Variants in CDH13 observed in about 807,000 individuals in gnomAD.
CDH13 encodes the protein cadherin 13, also known as cadherin-13.
In CDH13, 24 loss-of-function variants were observed where a neutral mutation model predicts 63.8. That is an observed-to-expected ratio of 0.38 (90% confidence interval 0.27 to 0.53). The LOEUF is 0.53. CDH13 is among the 20% of genes least tolerant of loss of function. The pLI is 0.85. For missense variants in CDH13, 1,049 were observed against 903.1 expected (o/e 1.16, Z -2.07); for synonymous variants, 503 against 355.3 (o/e 1.42, Z -4.67).
At chr16:83,718,868 G>T (rs1482416778) in intron 10 of CDH13, among the ~76,000 whole-genome samples, 1 of 152,158 alleles carries the variant, frequency 6.6e-6, no homozygotes, top group Non-Finnish European at 1.5e-5. Context: ...GGGAGCAAGG[G>T]AGCTGAGGTA....
chr16:82,865,730 G>C (rs1247896162), intron 2 of CDH13, among the ~76,000 whole-genome samples: 1 of 152,172 alleles, frequency 6.6e-6, no homozygotes, highest in African/African-American at 2.4e-5. Flanking sequence ...TTACACCATT[G>C]ACTTGGCGAT....
chr16:82,945,580 G>GT (rs958880812), intron 2 of CDH13, among the ~76,000 whole-genome samples: 48 of 151,986 alleles, frequency 3.2e-4, no homozygotes, highest in Admixed American at 1.4e-3. Context: ...AGGATTTTGT[G>GT]TTTTTTTTCT....
At chr16:83,587,837 T>C (rs1485444838) in intron 7 of CDH13, among the ~76,000 whole-genome samples, 1 of 152,184 alleles carries the variant, frequency 6.6e-6, no homozygotes, top group Non-Finnish European at 1.5e-5. Context: ...ATGACAGGAA[T>C]AGCAGTTTCC....
At chr16:83,771,374 T>C (rs1200073445) in intron 11 of CDH13, among the ~76,000 whole-genome samples, 1 of 152,226 alleles carries the variant, frequency 6.6e-6, no homozygotes, top group South Asian at 2.1e-4. Context: ...TATTGGAGTT[T>C]GAAATCCAGC....
In CDH13 at chr16:83,799,878, G is replaced by A. The variant is rs1904306951; in HGVS notation, c.*4848G>A. On this transcript the variant is annotated 3_prime_UTR_variant, in exon 14 of 14. Transcript: ENST00000567109. The stretch of plus-strand genomic sequence containing the variant: ...CACATGAAAGCATATACAAGACATG[G>A]AGAGACAGCAAAAAATGGTGGGAAT... The A allele has an allele frequency of 6.6e-6, 1 of 152,144 alleles. No individual in the cohort carries two copies. Among genetic ancestry groups the A allele is most frequent in the African/African-American group, 2.4e-5 (1 of 41,420 alleles). 9.4% of individuals were successfully genotyped at this position (152,144 alleles called of 1,614,324 possible).
At chr16:82,658,924 C>T (rs992924568) in intron 1 of CDH13, among the ~76,000 whole-genome samples, 2 of 152,196 alleles carry the variant, frequency 1.3e-5, no homozygotes, top group South Asian at 2.1e-4. Flanking sequence ...AGAAGGTTCT[C>T]AAGGGGGTGG....
At chr16:83,331,062 A>G (rs926787739) in intron 5 of CDH13, among the ~76,000 whole-genome samples, 1 of 152,222 alleles carries the variant, frequency 6.6e-6, no homozygotes, top group Non-Finnish European at 1.5e-5. Flanking sequence ...TTCCATCTCA[A>G]AGATGAGGAA....
At chr16:83,291,524 G>A (rs2089466192) in intron 5 of CDH13, among the ~76,000 whole-genome samples, 1 of 152,060 alleles carries the variant, frequency 6.6e-6, no homozygotes, top group Admixed American at 6.6e-5. Context: ...GAAGTCCTCA[G>A]AATAGCATTT....
At chr16:83,100,161 T>C (rs541362663) in intron 3 of CDH13, among the ~76,000 whole-genome samples, 1 of 152,316 alleles carries the variant, frequency 6.6e-6, no homozygotes, top group Admixed American at 6.5e-5. Context: ...TCTGGTTTAC[T>C]AGGGTTAGAA....
chr16:83,135,203 A>G (rs1453087223), intron 4 of CDH13, among the ~76,000 whole-genome samples: 1 of 152,194 alleles, frequency 6.6e-6, no homozygotes, highest in African/African-American at 2.4e-5. Context: ...CTCATTTCTC[A>G]GATGAGAAAG....
chr16:83,446,166 G>T (rs556077058), intron 6 of CDH13, among the ~76,000 whole-genome samples: 5 of 151,932 alleles, frequency 3.3e-5, no homozygotes, highest in African/African-American at 1.2e-4. Flanking sequence ...TTCTAGGCAT[G>T]GTGGCATGTG....
intron 8 of CDH13, among the ~76,000 whole-genome samples, chr16:83,663,201 T>A (rs1913600815): frequency 6.6e-6 from 1 of 152,176 alleles, no homozygotes; most frequent in South Asian, 2.1e-4. Flanking sequence ...CTGGGTCCAA[T>A]CAGCTATGGC....
intron 2 of CDH13, among the ~76,000 whole-genome samples, chr16:82,964,833 GT>G (rs766183251): frequency 6.6e-6 from 1 of 152,132 alleles, no homozygotes; most frequent in Non-Finnish European, 1.5e-5. Flanking sequence ...CTGATCCTGG[GT>G]TTTTTTCTTC....
chr16:83,602,366 GAC>G, intron 7 of CDH13, 86 bp from the exon 8 acceptor site: 2 of 1,326,108 alleles, frequency 1.5e-6, no homozygotes, highest in South Asian at 2.3e-5. Context: ...GAGGGGGAGA[GAC>G]AGCTCCAGCA....
At chr16:82,779,732 C>T (rs139745323) in intron 1 of CDH13, among the ~76,000 whole-genome samples, 1,672 of 152,236 alleles carry the variant, frequency 0.011, 34 homozygotes, top group African/African-American at 0.038. Flanking sequence ...GAATGCAGAG[C>T]TTAAGTGTGT....
chr16:83,063,696 C>T (rs2031772520), intron 3 of CDH13, among the ~76,000 whole-genome samples: 1 of 152,140 alleles, frequency 6.6e-6, no homozygotes. Context: ...TGGCTTAAAA[C>T]AACACAAATT....
intron 10 of CDH13, among the ~76,000 whole-genome samples, chr16:83,714,293 A>G (rs3784955): frequency 0.01 from 1,548 of 152,272 alleles, 74 homozygotes; most frequent in Admixed American, 0.077. Flanking sequence ...CTGTCCCTAA[A>G]AGATTGATTT....
intron 1 of CDH13, among the ~76,000 whole-genome samples, chr16:82,853,803 CTA>C (rs2039585455): frequency 1.3e-5 from 2 of 152,154 alleles, no homozygotes; most frequent in African/African-American, 4.8e-5. Context: ...TAGAGTAAGA[CTA>C]TGATTGCCGT....
chr16:82,789,512 A>G (rs185404727), intron 1 of CDH13, among the ~76,000 whole-genome samples: 375 of 152,252 alleles, frequency 2.5e-3, no homozygotes, highest in Middle Eastern at 0.01. Context: ...CAGGGATTCA[A>G]TTGTTTTCCA....
Sources: gnomAD v4.1 joint callset for allele counts (sites outside exome capture counted in the v4.1 genomes callset) on GRCh38, gnomAD v4.1.1 for gene constraint, MANE v1.5 for transcripts, NCBI Gene and HGNC (gene_info 2026-07-23, HGNC 2026-07-21) for gene names.